Variants in RHCG observed in about 807,000 individuals in gnomAD.
RHCG encodes the protein ammonium transporter Rh type C.
A neutral mutation model predicts 55.3 loss-of-function variants in RHCG; 39 were observed. That is an observed-to-expected ratio of 0.70 (90% CI 0.55 to 0.92). The LOEUF is 0.92. Ranked by LOEUF, RHCG falls within the 40% of genes least tolerant of loss-of-function variation. RHCG has a pLI of 0.00. For synonymous variants in RHCG, 250 were observed against 246.8 expected (o/e 1.01, Z -0.12); for missense variants, 635 against 627.9 (o/e 1.01, Z -0.12).
intron 9 of RHCG, among the ~76,000 whole-genome samples, chr15:89,474,812 TCCTG>T (rs1961105080): frequency 8.2e-6 from 1 of 122,228 alleles, no homozygotes; most frequent in Non-Finnish European, 1.8e-5. Flanking sequence ...CTGCCTTCCT[TCCTG>T]CCTGCCTTCC....
Position 89,479,419 on chromosome 15 carries a change from T to A in RHCG, c.740A>T (p.His247Leu), listed in dbSNP as rs989280439. The change falls in exon 5 of 11, where the codon CAC becomes CTC. Residue 247 changes from histidine (H) to leucine (L), a missense_variant. Physicochemically the swap from His to Leu is moderately conservative, Grantham distance 99. Transcript: ENST00000268122. ...GCAGTAGGTGTTGATGGCGGCTCGG[T>A]GCTGGCTGTCCCCATGGTAGGATAT... ...SAISYHGDSQ[H>L]RAAINTYCSL... 6.2e-7 allele frequency: 1 copy of A among 1,614,100 alleles called. No individual in the cohort carries two copies. The highest frequency in any genetic ancestry group is 2.2e-5 in the East Asian group (1 of 44,858).
In RHCG at chr15:89,477,950, C is replaced by G. The variant is rs745562643; in HGVS notation, c.862G>C (p.Ala288Pro). 6.2e-7 allele frequency: 1 copy of G among 1,609,840 alleles called. No homozygotes were observed. Among genetic ancestry groups the G allele is most frequent in the Admixed American group, 1.7e-5 (1 of 59,830 alleles). ...DMVHIQNATL[A>P]GGVAVGTAAE... The stretch of plus-strand genomic sequence containing the variant: ...GCGGTACCCACGGCCACCCCTCCTG[C>G]GAGCGTGGCATTCTGGATGTGCACC... Residue 288 changes from alanine to proline, a missense_variant, in exon 6 of 11, where the codon GCA becomes CCA. Physicochemically the swap from Ala to Pro is conservative, Grantham distance 27. Transcript: ENST00000268122. This position sits in a 1 kb window ranked among gnomAD's most constrained non-coding sequence, Gnocchi z 4.5.
rs1414213396 is a variant in RHCG, at chr15:89,472,822, G to T, written c.1353C>A (p.Pro451=). 6.5e-7 allele frequency: 1 copy of T among 1,547,136 alleles called. No individual in the cohort carries two copies. The highest frequency in any genetic ancestry group is 8.7e-7 in the Non-Finnish European group (1 of 1,144,574). ...GNSTVYIPED[P]TFKPSGPSVP... The stretch of plus-strand genomic sequence containing the variant: ...CTGAGGGTCCTGAGGGCTTGAAGGT[G>T]GGGTCCTCAGGGATGTAGACAGTGC... The change falls in exon 10 of 11, where the codon CCC becomes CCA. Residue 451 remains proline, a synonymous_variant. Coordinates refer to ENST00000268122, the MANE Select transcript of RHCG (RefSeq NM_016321.3).
At position 89,480,260 on chromosome 15, in the gene RHCG, C is replaced by A; in HGVS notation, c.670+1G>T. 6.2e-7 allele frequency: 1 copy of A among 1,614,030 alleles called. No individual in the cohort carries two copies. The highest frequency in any genetic ancestry group is 8.5e-7 in the Non-Finnish European group (1 of 1,179,936). On this transcript the variant is annotated splice_donor_variant, in intron 4 of 10. Transcript: ENST00000268122. LOFTEE classifies it high-confidence loss of function. ...CCCTCGGTCATGATGGCAGTTCTCA[C>A]CAATCATGGCAAAGAGGTCCGACTG...
chr15:89,479,102 A>C (rs1347752878), intron 5 of RHCG, among the ~76,000 whole-genome samples: 1 of 151,696 alleles, frequency 6.6e-6, no homozygotes, highest in Non-Finnish European at 1.5e-5. Context: ...TCCATCTCAA[A>C]AAAACAAAAC....
Position 89,477,999 on chromosome 15 carries a change from A to T in RHCG, c.838-25T>A. On this transcript the variant is annotated intron_variant, in intron 5 of 10. Coordinates refer to ENST00000268122, the MANE Select transcript of RHCG (RefSeq NM_016321.3). The surrounding 1 kb of genome is among the most constrained non-coding windows in gnomAD (Gnocchi z 4.5). ...CCTGGGCAGGGCAGGCAGAGCAGGC[A>T]GGAACTCAGTCCTCTCCCTGGAGCA... The T allele has an allele frequency of 6.3e-7, 1 of 1,587,228 alleles. No homozygotes were observed. The highest frequency in any genetic ancestry group is 1.2e-5 in the South Asian group (1 of 86,836).
In RHCG at chr15:89,483,237, T is replaced by C. The variant is rs764364746; in HGVS notation, c.372-20A>G. The C allele has an allele frequency of 2.0e-6, 3 of 1,516,094 alleles. No individual in the cohort carries two copies. The highest frequency in any genetic ancestry group is 1.8e-6 in the Non-Finnish European group (2 of 1,113,208). The allele number at this position is 1,516,094 out of a possible 1,614,324, so 93.9% of individuals were successfully genotyped here. On this transcript the variant is annotated intron_variant, in intron 2 of 10. Coordinates refer to ENST00000268122, the MANE Select transcript of RHCG (RefSeq NM_016321.3). ...ATGAGGCTGTGGGGAGACAGGCCAG[T>C]GGAGAAGCTGGGGCAATAGCAAAAA... is the stretch of plus-strand genomic sequence containing the variant.
At chr15:89,492,523 TCTC>T (rs1168728377) in intron 1 of RHCG, among the ~76,000 whole-genome samples, 3 of 151,564 alleles carry the variant, frequency 2.0e-5, no homozygotes, top group African/African-American at 7.3e-5. Flanking sequence ...CACTGCAAAA[TCTC>T]CTGGGGAGAT....
intron 1 of RHCG, among the ~76,000 whole-genome samples, chr15:89,495,168 T>C (rs1388213610): frequency 6.6e-6 from 1 of 152,188 alleles, no homozygotes; most frequent in Non-Finnish European, 1.5e-5. Flanking sequence ...ACCAAGTAAC[T>C]ATTAAATGCA....
intron 2 of RHCG, among the ~76,000 whole-genome samples, chr15:89,484,330 A>G (rs1470483512): frequency 6.6e-6 from 1 of 152,170 alleles, no homozygotes; most frequent in Non-Finnish European, 1.5e-5. Flanking sequence ...AGTACTGTAT[A>G]TGCCCTCCTG....
rs1376873744 is a variant in RHCG at position 89,479,260 on chromosome 15, GGT to G, written c.837+60_837+61del. 3.2e-6 allele frequency: 5 copies of G among 1,543,826 alleles called. No homozygotes were observed. The African/African-American group carries it at 5.4e-5, about 17-fold the overall frequency. On this transcript the variant is annotated intron_variant, in intron 5 of 10. Coordinates refer to ENST00000268122, the MANE Select transcript of RHCG (RefSeq NM_016321.3). ...CCCCTCAGAGGTGTTGGCAAGGCAT[GGT>G]GATCAGCGCCCTCCAGGCCCAGGCA...
At position 89,478,711 on chromosome 15, in the gene RHCG, C is replaced by G. The variant is rs374271166; in HGVS notation, c.837+611G>C. ...TCCCCAGGTGCCTGAATCCCCACCTCTCTGCATGGTGATAGTGTCCCCAAA... is the reference window on the plus strand; with the variant it reads ...TCCCCAGGTGCCTGAATCCCCACCTGTCTGCATGGTGATAGTGTCCCCAAA... On this transcript the variant is annotated intron_variant, in intron 5 of 10. Transcript: ENST00000268122. Among the ~76,000 whole-genome samples the G allele has an allele frequency of 2.6e-5, 4 of 152,310 alleles. No homozygotes were observed. The South Asian group carries it at 6.2e-4, about 24-fold the overall frequency.
chr15:89,478,111 A>T, intron 5 of RHCG, 137 bp from the exon 6 acceptor site: 5 of 1,156,838 alleles, frequency 4.3e-6, no homozygotes, highest in Non-Finnish European at 4.8e-6. Context: ...TCACCTCAGC[A>T]AGCCAGGAGC....
At chr15:89,479,256 G>C in intron 5 of RHCG, 66 bp downstream of exon 5, 1 of 1,530,786 alleles carries the variant, frequency 6.5e-7, no homozygotes, top group Non-Finnish European at 8.8e-7. Context: ...TGTTGGCAAG[G>C]CATGGTGATC....
chr15:89,473,757 C>G (rs1961082713), intron 9 of RHCG, among the ~76,000 whole-genome samples: 1 of 152,080 alleles, frequency 6.6e-6, no homozygotes. Context: ...CATTTTATAT[C>G]AGGGACTTGA....
At chr15:89,480,121 G>T (rs1961236605) in intron 4 of RHCG, 140 bp downstream of exon 4, 2 of 1,117,686 alleles carry the variant, frequency 1.8e-6, no homozygotes, top group African/African-American at 1.5e-5. Flanking sequence ...TGGCAGCCAT[G>T]CACCATACCA....
chr15:89,492,890 C>T (rs1266230190), intron 1 of RHCG, among the ~76,000 whole-genome samples: 1 of 152,214 alleles, frequency 6.6e-6, no homozygotes, highest in Non-Finnish European at 1.5e-5. Flanking sequence ...TTACTGTCCT[C>T]TCCCTTTATG....
chr15:89,495,812 G>C (rs1961555108), intron 1 of RHCG, among the ~76,000 whole-genome samples: 1 of 152,250 alleles, frequency 6.6e-6, no homozygotes, highest in Non-Finnish European at 1.5e-5. Context: ...AGAGCCACGA[G>C]AGCATGAGAG....
At chr15:89,473,682 A>G (rs779030862) in intron 9 of RHCG, among the ~76,000 whole-genome samples, 66 of 152,252 alleles carry the variant, frequency 4.3e-4, no homozygotes, top group Admixed American at 3.1e-3. Context: ...AGGTATTACA[A>G]GTAATCTACA....
Sources: gnomAD v4.1 joint callset for allele counts (sites outside exome capture counted in the v4.1 genomes callset) on GRCh38, gnomAD v4.1.1 for gene constraint, Gnocchi (gnomAD v3.1) non-coding constraint, MANE v1.5 for transcripts, NCBI Gene and HGNC (gene_info 2026-07-23, HGNC 2026-07-21) for gene names.